Variants in C10orf90 observed in about 807,000 individuals in gnomAD.
C10orf90 encodes the protein chromosome 10 open reading frame 90, also known as (E2-independent) E3 ubiquitin-conjugating enzyme FATS.
C10orf90 carries 56 observed loss-of-function variants against 62.5 expected under a neutral mutation model. The ratio of observed to expected loss-of-function variants is 0.90; its 90% CI spans 0.72 to 1.12. C10orf90 has a LOEUF of 1.12. C10orf90 is among the 50% of genes most tolerant of loss of function. The pLI is 0.00. For missense variants in C10orf90, 970 were observed against 880.4 expected (o/e 1.10, Z -1.29); for synonymous variants, 386 against 340.4 (o/e 1.13, Z -1.47).
At position 126,464,710 on chromosome 10, in the gene C10orf90, C is replaced by T. The variant is rs555900055; in HGVS notation, c.1811G>A (p.Ser604Asn). The T allele has an allele frequency of 6.2e-7, 1 of 1,607,614 alleles. No individual in the cohort carries two copies. Among genetic ancestry groups the T allele is most frequent in the Non-Finnish European group, 8.5e-7 (1 of 1,175,048 alleles). ...LQEDNGVQIE[S>N]KFPKGDYTCC... is the part of the protein sequence containing the mutation. ...TCGCTCCTTACCTTTGGGGAACTTG[C>T]TTTCTATCTGAACACCATTGTCTTC... is the stretch of plus-strand genomic sequence containing the variant. Residue 604 changes from serine to asparagine, a missense_variant, in exon 5 of 10, where the codon AGC becomes AAC. Transcript: ENST00000488181.
At chr10:126,565,329 T>C (rs1564874364) in intron 2 of C10orf90, among the ~76,000 whole-genome samples, 1 of 44,380 alleles carries the variant, frequency 2.3e-5, no homozygotes, top group African/African-American at 1.3e-4. Flanking sequence ...TATTATATAT[T>C]TATATTATAT....
intron 2 of C10orf90, among the ~76,000 whole-genome samples, chr10:126,613,404 T>G (rs1845478930): frequency 6.6e-6 from 1 of 152,064 alleles, no homozygotes; most frequent in African/African-American, 2.4e-5. Flanking sequence ...ACCCAGCTAG[T>G]CTTTTTGTTT....
chr10:126,501,723 T>A (rs1862392479), intron 4 of C10orf90, among the ~76,000 whole-genome samples: 1 of 152,152 alleles, frequency 6.6e-6, no homozygotes, highest in African/African-American at 2.4e-5. Flanking sequence ...CACCATGGAC[T>A]ACTACTAAGC....
chr10:126,521,414 A>C, intron 2 of C10orf90: 2 of 1,594,682 alleles, frequency 1.3e-6, no homozygotes, highest in Non-Finnish European at 1.7e-6. Context: ...AAATGTCCGG[A>C]GTTTACCTCT....
chr10:126,482,502 C>T (rs73371049), intron 4 of C10orf90, among the ~76,000 whole-genome samples: 1,797 of 152,280 alleles, frequency 0.012, 35 homozygotes, highest in African/African-American at 0.04. Flanking sequence ...CTCTCTGCAC[C>T]TTGCCTTCAC....
At chr10:126,495,549 A>G (rs1406848942) in intron 4 of C10orf90, among the ~76,000 whole-genome samples, 1 of 152,240 alleles carries the variant, frequency 6.6e-6, no homozygotes, top group African/African-American at 2.4e-5. Flanking sequence ...ATTGAACAAC[A>G]AACTACTTTG....
intron 1 of C10orf90, among the ~76,000 whole-genome samples, chr10:126,650,362 G>T (rs1846266865): frequency 6.6e-6 from 1 of 152,190 alleles, no homozygotes; most frequent in Non-Finnish European, 1.5e-5. Flanking sequence ...TTTCACCTCT[G>T]TTCCCAGTGA....
At chr10:126,544,969 A>C (rs1864457626) in intron 2 of C10orf90, among the ~76,000 whole-genome samples, 1 of 152,214 alleles carries the variant, frequency 6.6e-6, no homozygotes, top group African/African-American at 2.4e-5. Flanking sequence ...GGTGTGGACA[A>C]AACGATTTTT....
intron 1 of C10orf90, among the ~76,000 whole-genome samples, chr10:126,669,174 C>A (rs1846695486): frequency 6.6e-6 from 1 of 152,194 alleles, no homozygotes; most frequent in Non-Finnish European, 1.5e-5. Context: ...ACCTTTTGCT[C>A]CAGTTGATTG....
chr10:126,540,665 TAAAAAAA>T (rs59077222), intron 2 of C10orf90, among the ~76,000 whole-genome samples: 5 of 134,726 alleles, frequency 3.7e-5, no homozygotes, highest in Non-Finnish European at 4.7e-5. Context: ...AGACCTTGTC[TAAAAAAA>T]AAAAAAAAAA....
intron 2 of C10orf90, among the ~76,000 whole-genome samples, chr10:126,574,004 T>C (rs1752477565): frequency 6.6e-6 from 1 of 152,190 alleles, no homozygotes; most frequent in Admixed American, 6.5e-5. Flanking sequence ...CTAACAAAAA[T>C]GTATTATGTT....
chr10:126,627,648 A>C (rs1845772953), intron 2 of C10orf90, among the ~76,000 whole-genome samples: 1 of 152,312 alleles, frequency 6.6e-6, no homozygotes, highest in African/African-American at 2.4e-5. Context: ...CTGGCAGTTA[A>C]AGGTAAAAAG....
intron 2 of C10orf90, among the ~76,000 whole-genome samples, chr10:126,525,959 C>G (rs1429422332): frequency 6.6e-6 from 1 of 151,252 alleles, no homozygotes; most frequent in Non-Finnish European, 1.5e-5. Flanking sequence ...GGGAAACCGT[C>G]CTCTTAAATG....
At chr10:126,518,436 C>T (rs965325789) in intron 2 of C10orf90, among the ~76,000 whole-genome samples, 12 of 152,034 alleles carry the variant, frequency 7.9e-5, no homozygotes, top group Non-Finnish European at 1.8e-4. Context: ...AATCATAATG[C>T]TTTGATTCAA....
intron 1 of C10orf90, among the ~76,000 whole-genome samples, chr10:126,657,778 GC>G (rs1256900668): frequency 6.6e-6 from 1 of 151,918 alleles, no homozygotes; most frequent in Admixed American, 6.6e-5. Context: ...ATCACACCTG[GC>G]TAATTTTTGT....
Position 126,504,148 on chromosome 10 carries a change from C to T in C10orf90, c.1343G>A (p.Arg448Lys). ...ESHLKETPSL[R>K]RVHLGTGACP... ...AGCGCCGGTCCCCAAATGCACCCGC[C>T]TCAACGATGGGGTTTCCTTCAAGTG... Residue 448 changes from arginine to lysine, a missense_variant, in exon 4 of 10, where the codon AGG becomes AAG. Transcript: ENST00000488181. The surrounding 1 kb of genome is among the most constrained non-coding windows in gnomAD (Gnocchi z 4.1). 6.2e-7 allele frequency: 1 copy of T among 1,614,220 alleles called. No homozygotes were observed. The highest frequency in any genetic ancestry group is 8.5e-7 in the Non-Finnish European group (1 of 1,180,044).
intron 2 of C10orf90, among the ~76,000 whole-genome samples, chr10:126,565,237 A>T (rs1844333837): frequency 7.5e-5 from 4 of 53,130 alleles, no homozygotes; most frequent in African/African-American, 2.4e-4. Context: ...CATATTATGT[A>T]ATATAATATT....
intron 4 of C10orf90, among the ~76,000 whole-genome samples, chr10:126,488,137 G>A (rs1432086163): frequency 3.3e-5 from 5 of 152,036 alleles, no homozygotes; most frequent in African/African-American, 7.2e-5. Context: ...AAATAATAGG[G>A]TAGAAATAAA....
intron 2 of C10orf90, among the ~76,000 whole-genome samples, chr10:126,642,456 C>T (rs544597510): frequency 1.8e-4 from 28 of 152,146 alleles, no homozygotes; most frequent in East Asian, 5.8e-4. Flanking sequence ...GGCATGAACC[C>T]GGGAGGCAGA....
Sources: allele counts gnomAD v4.1 joint callset (sites outside exome capture counted in the v4.1 genomes callset), GRCh38; gene constraint gnomAD v4.1.1; non-coding constraint Gnocchi (gnomAD v3.1); transcripts MANE v1.5; gene names NCBI Gene and HGNC (gene_info 2026-07-23, HGNC 2026-07-21).